Variants in SLC17A6 observed in about 807,000 individuals in gnomAD.
SLC17A6 encodes solute carrier family 17 member 6.
Under a neutral mutation model 67.1 loss-of-function variants are expected in SLC17A6, and 35 were observed. The ratio of observed to expected loss-of-function variants is 0.52; its 90% CI spans 0.40 to 0.69. The LOEUF (loss-of-function observed/expected upper bound fraction) is 0.69. Among genes scored for constraint, SLC17A6 ranks in the 30% least tolerant of loss-of-function variants. The pLI is 0.00. For missense variants in SLC17A6, 588 were observed against 723.9 expected (o/e 0.81, Z 2.15); for synonymous variants, 285 against 252.3 (o/e 1.13, Z -1.23).
At chr11:22,344,497 T>C (rs887731700) in intron 3 of SLC17A6, among the ~76,000 whole-genome samples, 16 of 152,164 alleles carry the variant, frequency 1.1e-4, no homozygotes, top group African/African-American at 3.4e-4. Flanking sequence ...GGAAATTTAT[T>C]TTAGGCTTAA....
At chr11:22,346,502 T>A (rs903973493) in intron 3 of SLC17A6, among the ~76,000 whole-genome samples, 1 of 152,114 alleles carries the variant, frequency 6.6e-6, no homozygotes, top group Non-Finnish European at 1.5e-5. Context: ...CACTTTTTCC[T>A]TTGTCTTCCC....
At chr11:22,374,692 C>G (rs1428778105) in intron 8 of SLC17A6, 63 bp from the exon 9 acceptor site, 9 of 1,336,990 alleles carry the variant, frequency 6.7e-6, no homozygotes, top group South Asian at 1.6e-5. Context: ...GAAACAAAGG[C>G]CATTAAATTG....
rs186146400 is a variant in SLC17A6, at chr11:22,369,722, A to T, written c.892-317A>T. On this transcript the variant is annotated intron_variant, in intron 7 of 11. Transcript: ENST00000263160. The stretch of plus-strand genomic sequence containing the variant: ...TCTATCACCATTAAAAAAATAAAAC[A>T]AATGGAAAAAAAAACCTTAAGAAAC... 5.9e-5 allele frequency among the ~76,000 whole-genome samples: 9 copies of T among 151,872 alleles called. No homozygotes were observed. The East Asian group carries it at 1.6e-3, about 27-fold the overall frequency.
chr11:22,378,060 C>G lies in SLC17A6; in HGVS notation c.*320C>G. On this transcript the variant is annotated 3_prime_UTR_variant, in exon 12 of 12. Coordinates refer to ENST00000263160, the MANE Select transcript of SLC17A6 (RefSeq NM_020346.3). ...CACTATTTACTAAAGCACAACATCT[C>G]ATCCTACAAAAGTTAAGAAGCCAAA... The G allele has an allele frequency of 3.0e-6, 1 of 336,302 alleles. No homozygotes were observed. Among genetic ancestry groups the G allele is most frequent in the Non-Finnish European group, 5.4e-6 (1 of 186,786 alleles). The allele number at this position is 336,302 out of a possible 1,614,324, so 20.8% of individuals were successfully genotyped here.
intron 3 of SLC17A6, among the ~76,000 whole-genome samples, chr11:22,345,113 T>G (rs1354122852): frequency 6.6e-6 from 1 of 151,886 alleles, no homozygotes; most frequent in African/African-American, 2.4e-5. Context: ...AATATTAAAA[T>G]GCTAACATTT....
At position 22,360,931 on chromosome 11, in the gene SLC17A6, G is replaced by C; in HGVS notation, c.608G>C (p.Ser203Thr). The C allele has an allele frequency of 6.2e-7, 1 of 1,614,006 alleles. No individual in the cohort carries two copies. The highest frequency in any genetic ancestry group is 8.5e-7 in the Non-Finnish European group (1 of 1,179,906). ...VTYPACHGIW[S>T]KWAPPLERSR... ...TACCCAGCATGTCATGGGATATGGA[G>C]CAAATGGGCCCCACCTCTAGAGAGG... Residue 203 changes from serine (S) to threonine (T), a missense_variant, in exon 5 of 12, where the codon AGC becomes ACC. By Grantham distance (58) the Ser-to-Thr change is moderately conservative. Coordinates refer to ENST00000263160, the MANE Select transcript of SLC17A6 (RefSeq NM_020346.3).
At chr11:22,357,236 A>T (rs1444432711) in intron 3 of SLC17A6, among the ~76,000 whole-genome samples, 1 of 152,218 alleles carries the variant, frequency 6.6e-6, no homozygotes, top group Admixed American at 6.5e-5. Context: ...GGTATAATGA[A>T]TAATACCCAT....
In SLC17A6 at chr11:22,342,878, G is replaced by A. The variant is rs1287028965; in HGVS notation, c.340-369G>A. 8.8e-6 allele frequency: 4 copies of A among 455,488 alleles called. No homozygotes were observed. The East Asian group carries it at 2.1e-4, about 23-fold the overall frequency. The allele number at this position is 455,488 out of a possible 1,614,324, so 28.2% of individuals were successfully genotyped here. A position where few individuals can be genotyped will look rare whatever the true frequency, so the allele number is the denominator to read the frequency against. On this transcript the variant is annotated intron_variant, in intron 2 of 11. Transcript: ENST00000263160. ...TACTGTGTCTGCATTGGCCGGATTC[G>A]TTAAGTGGACCCCTGACAGGCGTCT...
At chr11:22,366,799 G>C (rs1037775033) in intron 7 of SLC17A6, among the ~76,000 whole-genome samples, 10 of 152,084 alleles carry the variant, frequency 6.6e-5, no homozygotes, top group African/African-American at 2.4e-4. Context: ...GAGGTCAGGA[G>C]TTTGAGACCA....
chr11:22,376,439 G>A (rs1389260862), intron 10 of SLC17A6, 106 bp from the exon 11 acceptor site: 3 of 1,262,848 alleles, frequency 2.4e-6, no homozygotes, highest in Non-Finnish European at 2.3e-6. Flanking sequence ...TTAAGCACGT[G>A]TTCTGTACCC....
intron 3 of SLC17A6, among the ~76,000 whole-genome samples, chr11:22,357,983 T>C (rs970688188): frequency 4.6e-5 from 7 of 152,176 alleles, no homozygotes; most frequent in African/African-American, 1.7e-4. Flanking sequence ...GGCTAGTATA[T>C]AATCAATAGA....
At chr11:22,341,080 C>T (rs1404260774) in intron 1 of SLC17A6, among the ~76,000 whole-genome samples, 1 of 152,200 alleles carries the variant, frequency 6.6e-6, no homozygotes, top group East Asian at 1.9e-4. Flanking sequence ...TGCTGTGTTG[C>T]AGGAGGACAC....
rs1975564 is a variant in SLC17A6 at position 22,345,838 on chromosome 11, A to G, written c.458+2473A>G. ...ACATTAGTAAGAAAAAAATTATAAA[A>G]ATGATAAAAATTTAATCAGCCTGAT... On this transcript the variant is annotated intron_variant, in intron 3 of 11. Transcript: ENST00000263160. Among the ~76,000 whole-genome samples the G allele has an allele frequency of 0.022, 3,335 of 152,274 alleles. 263 individuals are homozygous for G. In the East Asian group the frequency reaches 0.28, roughly 13 times the overall value.
At chr11:22,358,155 A>G (rs757238926) in intron 3 of SLC17A6, among the ~76,000 whole-genome samples, 2 of 152,126 alleles carry the variant, frequency 1.3e-5, no homozygotes, top group African/African-American at 2.4e-5. Flanking sequence ...ACCAACATTG[A>G]CTGAATTTAA....
chr11:22,359,932 G>A (rs1856030870), intron 4 of SLC17A6, among the ~76,000 whole-genome samples: 1 of 152,046 alleles, frequency 6.6e-6, no homozygotes, highest in South Asian at 2.1e-4. Flanking sequence ...AGTTTTCACT[G>A]AAATATTTCA....
chr11:22,363,023 C>A (rs1856069387), intron 6 of SLC17A6, among the ~76,000 whole-genome samples, 198 bp downstream of exon 6: 1 of 152,086 alleles, frequency 6.6e-6, no homozygotes, highest in Non-Finnish European at 1.5e-5. Context: ...ATTGCTATTT[C>A]TTGTTTTAAA....
At chr11:22,344,115 T>C (rs548699768) in intron 3 of SLC17A6, among the ~76,000 whole-genome samples, 4 of 152,208 alleles carry the variant, frequency 2.6e-5, no homozygotes, top group Non-Finnish European at 4.4e-5. Context: ...CAGCTTCCTT[T>C]GCTTCACTGT....
chr11:22,364,995 A>G (rs1373695102), intron 6 of SLC17A6, among the ~76,000 whole-genome samples: 1 of 152,144 alleles, frequency 6.6e-6, no homozygotes, highest in Non-Finnish European at 1.5e-5. Flanking sequence ...ACAGAGGCCC[A>G]CTTTTTATGT....
At chr11:22,359,350 T>C in intron 3 of SLC17A6, 63 bp from the exon 4 acceptor site, 1 of 955,986 alleles carries the variant, frequency 1.0e-6, no homozygotes, top group Non-Finnish European at 1.5e-6. Flanking sequence ...TCCTGAGAAA[T>C]TTAGATATGT....
Sources: gnomAD v4.1 joint callset for allele counts (sites outside exome capture counted in the v4.1 genomes callset) on GRCh38, gnomAD v4.1.1 for gene constraint, MANE v1.5 for transcripts, NCBI Gene and HGNC (gene_info 2026-07-23, HGNC 2026-07-21) for gene names.